ADK: variants seen among roughly 807,000 people sequenced by gnomAD.
ADK encodes N6,N6-dimethyladenosine kinase.
Under a neutral mutation model 44.7 loss-of-function variants are expected in ADK, and 24 were observed. The observed-to-expected ratio is 0.54, with a 90% CI of 0.39 to 0.76. ADK has a LOEUF of 0.76. ADK is among the 30% of genes least tolerant of loss of function. The pLI, the probability that ADK is intolerant of heterozygous loss-of-function variation, is 0.00. For synonymous variants in ADK, 128 were observed against 142.6 expected, an observed-to-expected ratio of 0.90 and a Z score of 0.73; for missense variants, 321 against 425.1, an observed-to-expected ratio of 0.76 and a Z score of 2.15.
intron 9 of ADK, among the ~76,000 whole-genome samples, chr10:74,642,932 T>G (rs150210061): frequency 6.6e-6 from 1 of 150,960 alleles, no homozygotes; most frequent in African/African-American, 2.4e-5. Context: ...CTCAAACTCC[T>G]GGGTTCAAAG....
chr10:74,356,027 T>TTTTTTTTG, intron 4 of ADK, among the ~76,000 whole-genome samples: 1 of 143,142 alleles, frequency 7.0e-6, no homozygotes, highest in Non-Finnish European at 1.5e-5. Flanking sequence ...TTTTTTTTTT[T>TTTTTTTTG]TTGAGACGGA....
At chr10:74,345,592 G>A (rs1841738295) in intron 4 of ADK, among the ~76,000 whole-genome samples, 2 of 152,090 alleles carry the variant, frequency 1.3e-5, no homozygotes, top group African/African-American at 2.4e-5. Context: ...ACAGATGTGA[G>A]CCACCACATC....
At chr10:74,587,901 C>T (rs150469491) in intron 7 of ADK, among the ~76,000 whole-genome samples, 1 of 151,744 alleles carries the variant, frequency 6.6e-6, no homozygotes, top group African/African-American at 2.4e-5. Flanking sequence ...GTTATAAGAG[C>T]CTTAGGGTAT....
intron 6 of ADK, among the ~76,000 whole-genome samples, chr10:74,420,223 A>G (rs944529709): frequency 6.6e-6 from 1 of 152,186 alleles, no homozygotes; most frequent in Admixed American, 6.5e-5. Flanking sequence ...AATTGTAAAT[A>G]AAATGGAAAC....
intron 7 of ADK, among the ~76,000 whole-genome samples, chr10:74,542,473 G>A (rs757493398): frequency 7.2e-5 from 11 of 152,052 alleles, no homozygotes; most frequent in Non-Finnish European, 1.2e-4. Flanking sequence ...TCAAAACACA[G>A]GCTTTTAGTT....
intron 6 of ADK, among the ~76,000 whole-genome samples, chr10:74,488,312 T>G (rs1233072348): frequency 3.3e-5 from 5 of 151,734 alleles, no homozygotes; most frequent in Non-Finnish European, 2.9e-5. Flanking sequence ...TTGGTCAGTA[T>G]GTATCATAAT....
intron 3 of ADK, among the ~76,000 whole-genome samples, chr10:74,306,629 T>C (rs1371833722): frequency 1.3e-5 from 2 of 152,360 alleles, no homozygotes; most frequent in East Asian, 1.9e-4. Context: ...GAGTGTTCAC[T>C]CTTTTCTGTA....
At chr10:74,540,736 G>A (rs1322320692) in intron 7 of ADK, among the ~76,000 whole-genome samples, 1 of 151,976 alleles carries the variant, frequency 6.6e-6, no homozygotes, top group African/African-American at 2.4e-5. Context: ...TGGGGTTACA[G>A]GAGTGAGACA....
intron 6 of ADK, among the ~76,000 whole-genome samples, chr10:74,476,469 G>T (rs370319820): frequency 6.6e-6 from 1 of 150,896 alleles, no homozygotes; most frequent in African/African-American, 2.4e-5. Flanking sequence ...TCCAGCCTGC[G>T]TAACAAGAGC....
intron 6 of ADK, among the ~76,000 whole-genome samples, chr10:74,412,963 C>A (rs1037933105): frequency 3.9e-5 from 6 of 151,998 alleles, no homozygotes; most frequent in African/African-American, 1.4e-4. Context: ...GAGGCTGAAG[C>A]AGGAGAATTG....
intron 3 of ADK, among the ~76,000 whole-genome samples, chr10:74,253,743 C>T (rs1433417374): frequency 6.8e-6 from 1 of 146,844 alleles, no homozygotes; most frequent in African/African-American, 2.5e-5. Flanking sequence ...AGTTATAAAG[C>T]TGATATAAAC....
At chr10:74,166,516 T>G (rs1162341711) in intron 1 of ADK, among the ~76,000 whole-genome samples, 1 of 151,856 alleles carries the variant, frequency 6.6e-6, no homozygotes, top group East Asian at 1.9e-4. Context: ...GATGAGGTTT[T>G]GCCATGTCAC....
intron 3 of ADK, among the ~76,000 whole-genome samples, chr10:74,291,275 G>C (rs1847420762): frequency 1.3e-5 from 2 of 152,042 alleles, no homozygotes; most frequent in Admixed American, 1.3e-4. Context: ...AAATTAGCCG[G>C]GTGTGGTGGC....
At chr10:74,700,674 C>A (rs889239495) in intron 10 of ADK, among the ~76,000 whole-genome samples, 1 of 151,578 alleles carries the variant, frequency 6.6e-6, no homozygotes. Context: ...GTACATACAT[C>A]TGCTTACCTT....
chr10:74,303,534 G>A (rs1417077787), intron 3 of ADK, among the ~76,000 whole-genome samples: 3 of 135,274 alleles, frequency 2.2e-5, no homozygotes, highest in Non-Finnish European at 4.7e-5. Context: ...GTATTTGGAA[G>A]ATGAAAGAAA....
At chr10:74,567,921 A>G (rs1282249146) in intron 7 of ADK, among the ~76,000 whole-genome samples, 2 of 151,828 alleles carry the variant, frequency 1.3e-5, no homozygotes, top group African/African-American at 2.4e-5. Flanking sequence ...GGATGGTCTC[A>G]ATCTCCTGAC....
chr10:74,174,809 T>C (rs780670964), intron 1 of ADK, among the ~76,000 whole-genome samples: 1 of 152,262 alleles, frequency 6.6e-6, no homozygotes, highest in Non-Finnish European at 1.5e-5. Flanking sequence ...ACATCAGTTT[T>C]ATAGACCATG....
At chr10:74,322,349 G>A (rs971714717) in intron 4 of ADK, among the ~76,000 whole-genome samples, 3 of 152,162 alleles carry the variant, frequency 2.0e-5, no homozygotes, top group African/African-American at 2.4e-5. Flanking sequence ...ATGCAACACC[G>A]TCTCGTCAAT....
intron 6 of ADK, among the ~76,000 whole-genome samples, chr10:74,422,092 C>G (rs1382800227): frequency 1.3e-5 from 2 of 152,138 alleles, no homozygotes; most frequent in Non-Finnish European, 2.9e-5. Flanking sequence ...ACTGACTTGA[C>G]TATTTCCATT....
Sources: gnomAD v4.1 joint callset for allele counts (sites outside exome capture counted in the v4.1 genomes callset) on GRCh38, gnomAD v4.1.1 for gene constraint, MANE v1.5 for transcripts, NCBI Gene and HGNC (gene_info 2026-07-23, HGNC 2026-07-21) for gene names.